The following PCDHGB5 variants were observed in gnomAD, a reference collection of about 807,000 sequenced individuals.
PCDHGB5 encodes the protein protocadherin gamma subfamily B, 5.
Under a neutral mutation model 62.9 loss-of-function variants are expected in PCDHGB5, and 48 were observed. That is an observed-to-expected ratio of 0.76 (90% CI 0.61 to 0.97). The LOEUF (loss-of-function observed/expected upper bound fraction) is 0.97, where lower values mean the gene tolerates loss of function less well. Among genes scored for constraint, PCDHGB5 ranks in the 50% least tolerant of loss-of-function variants. The probability of loss-of-function intolerance (pLI) is 0.00; values close to 1 mark genes in which losing one functional copy is unlikely to be tolerated. For missense variants in PCDHGB5, 1,118 were observed against 1,198.6 expected, an observed-to-expected ratio of 0.93 and a Z score of 0.99; for synonymous variants, 474 against 511.2, an observed-to-expected ratio of 0.93 and a Z score of 0.98.
chr5:141,475,424 T>C (rs2099363271), intron 1 of PCDHGB5, among the ~76,000 whole-genome samples: 1 of 152,244 alleles, frequency 6.6e-6, no homozygotes, highest in African/African-American at 2.4e-5. Context: ...CTCCTGCTAA[T>C]TTGATAGTAG....
In PCDHGB5 at chr5:141,409,837, C is replaced by G. The variant is rs182654621; in HGVS notation, c.2397+9313C>G. 823 of 1,611,470 alleles carry G rather than the reference C, an allele frequency of 5.1e-4. 5 individuals carry two copies. The East Asian group carries it at 9.5e-3, about 19-fold the overall frequency. On this transcript the variant is annotated intron_variant, in intron 1 of 3. Coordinates refer to ENST00000617380, the MANE Select transcript of PCDHGB5 (RefSeq NM_018925.3). ...ACGGCTCGCCCACGCTCAGCGCCAACGTGAGCCTGCGCGTGTTGGTGGGAG... is the reference window on the plus strand; with the variant it reads ...ACGGCTCGCCCACGCTCAGCGCCAAGGTGAGCCTGCGCGTGTTGGTGGGAG...
chr5:141,417,711 C>A, intron 1 of PCDHGB5: 1 of 1,261,876 alleles, frequency 7.9e-7, no homozygotes, highest in Non-Finnish European at 1.1e-6. Flanking sequence ...CACAGAGGCT[C>A]CCGGCTGCGC....
chr5:141,446,482 C>A (rs961785845), intron 1 of PCDHGB5, among the ~76,000 whole-genome samples: 2 of 146,988 alleles, frequency 1.4e-5, no homozygotes, highest in Non-Finnish European at 3.0e-5. Flanking sequence ...GGTCATCATT[C>A]TTTTTTTTTT....
At chr5:141,408,884 A>G (rs755835568) in intron 1 of PCDHGB5, 2 of 1,613,384 alleles carry the variant, frequency 1.2e-6, no homozygotes, top group Non-Finnish European at 1.7e-6. Context: ...CACCGCTCAC[A>G]TAGAAATTTC....
intron 1 of PCDHGB5, among the ~76,000 whole-genome samples, chr5:141,463,224 G>C (rs1039535501): frequency 6.6e-6 from 1 of 151,958 alleles, no homozygotes; most frequent in Non-Finnish European, 1.5e-5. Context: ...AATATTCCTG[G>C]AGTTCTTTGT....
intron 1 of PCDHGB5, chr5:141,415,814 T>G: frequency 7.5e-7 from 1 of 1,330,430 alleles, no homozygotes; most frequent in South Asian, 1.8e-5. Flanking sequence ...AAGGCCTATA[T>G]ATCATAAGGC....
intron 1 of PCDHGB5, among the ~76,000 whole-genome samples, chr5:141,450,829 A>ATTTT (rs373424450): frequency 2.2e-4 from 30 of 135,142 alleles, no homozygotes; most frequent in African/African-American, 6.3e-4. Flanking sequence ...TATTATTATT[A>ATTTT]TTTTTTTTTT....
intron 1 of PCDHGB5, chr5:141,409,285 T>G (rs773096828): frequency 6.2e-7 from 1 of 1,613,966 alleles, no homozygotes; most frequent in South Asian, 1.1e-5. Context: ...AGAATTCACC[T>G]CCAGGAATGG....
At chr5:141,452,201 T>G (rs552947721) in intron 1 of PCDHGB5, among the ~76,000 whole-genome samples, 131 of 152,376 alleles carry the variant, frequency 8.6e-4, no homozygotes, top group Middle Eastern at 6.8e-3. Context: ...TTGTTTTAGA[T>G]GTTACCAATA....
At chr5:141,405,582 C>T in intron 1 of PCDHGB5, 3 of 589,180 alleles carry the variant, frequency 5.1e-6, no homozygotes, top group African/African-American at 1.9e-5. Context: ...GTAGCTGGGA[C>T]TACAGGCCTC....
chr5:141,470,019 C>G (rs2099219272), intron 1 of PCDHGB5, among the ~76,000 whole-genome samples: 1 of 152,154 alleles, frequency 6.6e-6, no homozygotes, highest in South Asian at 2.1e-4. Context: ...ATCCCAGCTA[C>G]TCGGGATGCT....
intron 1 of PCDHGB5, chr5:141,479,722 T>C (rs2099504690): frequency 6.6e-6 from 1 of 152,240 alleles, no homozygotes; most frequent in African/African-American, 2.4e-5. Context: ...CCAGCCTTAT[T>C]TTTCTTAAGT....
chr5:141,486,659 G>A lies in PCDHGB5; in HGVS notation c.2398-8148G>A, dbSNP rs758578821. The stretch of plus-strand genomic sequence containing the variant: ...TGCGCTTATCTCCTACTCACTCCTG[G>A]AGCCCAGGAATCGAGATGTATCAGC... On this transcript the variant is annotated intron_variant, in intron 1 of 3. Transcript: ENST00000617380. This position sits in a 1 kb window ranked among gnomAD's most constrained non-coding sequence, Gnocchi z 5.0. 5.0e-6 allele frequency: 8 copies of A among 1,613,944 alleles called. No homozygotes were observed. Among genetic ancestry groups the A allele is most frequent in the Middle Eastern group, 1.6e-4 (1 of 6,062 alleles).
chr5:141,398,544 G>A lies in PCDHGB5; in HGVS notation c.417G>A (p.Glu139=), dbSNP rs1002395942. The change falls in exon 1 of 4, where the codon GAG becomes GAA. Residue 139 remains glutamate, a synonymous_variant. Coordinates refer to ENST00000617380, the MANE Select transcript of PCDHGB5 (RefSeq NM_018925.3). ...HTPKFTQNSF[E]LQISESAQPG... ...CAAAATTCACGCAAAATTCCTTTGA[G>A]CTGCAAATAAGTGAGTCTGCACAGC... The A allele has an allele frequency of 6.2e-7, 1 of 1,613,852 alleles. No homozygotes were observed. Among genetic ancestry groups the A allele is most frequent in the Non-Finnish European group, 8.5e-7 (1 of 1,179,854 alleles).
At chr5:141,410,807 T>C in intron 1 of PCDHGB5, 1 of 647,592 alleles carries the variant, frequency 1.5e-6, no homozygotes, top group Non-Finnish European at 2.4e-6. Flanking sequence ...CTCTATCTTT[T>C]TGTAAAATAA....
chr5:141,510,893 G>C (rs1334514746), intron 3 of PCDHGB5, 54 bp from the exon 4 acceptor site: 1 of 1,612,722 alleles, frequency 6.2e-7, no homozygotes, highest in African/African-American at 1.3e-5. Context: ...ATAAGACAGT[G>C]ACTGTTGAGG....
Position 141,485,730 on chromosome 5 carries a change from G to A in PCDHGB5, c.2398-9077G>A. On this transcript the variant is annotated intron_variant, in intron 1 of 3. Coordinates refer to ENST00000617380, the MANE Select transcript of PCDHGB5 (RefSeq NM_018925.3). This position sits in a 1 kb window ranked among gnomAD's most constrained non-coding sequence, Gnocchi z 5.7. ...TTTGCACTGGATGTGAAGAAGCGCA[G>A]CGACGGCAGCCTGGTCCCAGAGCTG... is the stretch of plus-strand genomic sequence containing the variant. 1 of 1,614,200 alleles carries A rather than the reference G, an allele frequency of 6.2e-7. No individual in the cohort carries two copies. Among genetic ancestry groups the A allele is most frequent in the Non-Finnish European group, 8.5e-7 (1 of 1,180,024 alleles).
At chr5:141,409,681 G>A in intron 1 of PCDHGB5, 1 of 1,613,368 alleles carries the variant, frequency 6.2e-7, no homozygotes, top group South Asian at 1.1e-5. Flanking sequence ...CTATAGTGGC[G>A]AGTGACCTAG....
At chr5:141,472,980 C>CAAAAAAAAAAAAAAAAAAAAAA (rs60579131) in intron 1 of PCDHGB5, among the ~76,000 whole-genome samples, 6 of 86,102 alleles carry the variant, frequency 7.0e-5, no homozygotes, top group African/African-American at 1.2e-4. Flanking sequence ...GAGTGAAACT[C>CAAAAAAAAAAAAAAAAAAAAAA]AAAAAAAAAA....
Sources: allele counts gnomAD v4.1 joint callset (sites outside exome capture counted in the v4.1 genomes callset), GRCh38; gene constraint gnomAD v4.1.1; non-coding constraint Gnocchi (gnomAD v3.1); transcripts MANE v1.5; gene names NCBI Gene and HGNC (gene_info 2026-07-23, HGNC 2026-07-21).